Variants in RGS6 observed in about 807,000 individuals in gnomAD.
RGS6 encodes the protein regulator of G-protein signaling 6.
Under a neutral mutation model 78.5 loss-of-function variants are expected in RGS6, and 30 were observed. The observed-to-expected ratio is 0.38, with a 90% CI of 0.29 to 0.52. The LOEUF is 0.52. Ranked by LOEUF, RGS6 falls within the 20% of genes least tolerant of loss-of-function variation. The probability of loss-of-function intolerance (pLI) is 0.85; values close to 1 mark genes in which losing one functional copy is unlikely to be tolerated. For synonymous variants in RGS6, 206 were observed against 206.0 expected, an observed-to-expected ratio of 1.00 and a Z score of 0.00; for missense variants, 495 against 609.7, an observed-to-expected ratio of 0.81 and a Z score of 1.98.
chr14:71,876,473 CTTTTTTTTTTTTTTTTTTTTTTTTTT>C, the RGS6 span, among the ~76,000 whole-genome samples: 3 of 72,494 alleles, frequency 4.1e-5, no homozygotes, highest in South Asian at 9.0e-4. Context: ...GCAACCGCTG[CTTTTTTTTTTTTTTTTTTTTTTTTTT>C]TTTTTTTTTT....
intron 3 of RGS6, among the ~76,000 whole-genome samples, chr14:72,434,992 G>T (rs2094834052): frequency 6.6e-6 from 1 of 152,178 alleles, no homozygotes; most frequent in Non-Finnish European, 1.5e-5. Context: ...AAGTCTGACT[G>T]ATAGCTGAGT....
intron 2 of RGS6, among the ~76,000 whole-genome samples, chr14:72,313,456 CTT>C (rs1595679744): frequency 6.6e-6 from 1 of 152,218 alleles, no homozygotes; most frequent in African/African-American, 2.4e-5. Context: ...CTTTCTTCCT[CTT>C]TCTCTCTTCT....
intron 2 of RGS6, among the ~76,000 whole-genome samples, chr14:72,004,277 C>T (rs2084085072): frequency 6.6e-6 from 1 of 152,130 alleles, no homozygotes; most frequent in Admixed American, 6.5e-5. Context: ...TGCTACTAGG[C>T]TTTAAAAAAT....
intron 2 of RGS6, among the ~76,000 whole-genome samples, chr14:72,138,877 A>G (rs993204360): frequency 2.0e-5 from 3 of 151,908 alleles, no homozygotes; most frequent in African/African-American, 4.8e-5. Context: ...TTGCAGAAAA[A>G]CAAGCTCAGG....
At chr14:72,568,098 G>A (rs556378917), downstream of RGS6, among the ~76,000 whole-genome samples, 2 of 152,226 alleles carry the variant, frequency 1.3e-5, no homozygotes, top group Non-Finnish European at 2.9e-5. Flanking sequence ...CGCTTGAAGT[G>A]TGGGCTCGGT....
chr14:72,053,504 C>G (rs2093453626), intron 2 of RGS6, among the ~76,000 whole-genome samples: 1 of 152,226 alleles, frequency 6.6e-6, no homozygotes, highest in Middle Eastern at 3.4e-3. Flanking sequence ...GTATCCTGAT[C>G]CTACCCTCCA....
At chr14:72,203,380 C>T (rs571490822) in intron 2 of RGS6, among the ~76,000 whole-genome samples, 6 of 152,306 alleles carry the variant, frequency 3.9e-5, no homozygotes, top group Non-Finnish European at 5.9e-5. Context: ...AGTTATCTAT[C>T]GCTGTATAAC....
intron 2 of RGS6, among the ~76,000 whole-genome samples, chr14:72,044,526 C>G (rs1347571752): frequency 1.3e-5 from 2 of 152,138 alleles, no homozygotes; most frequent in Non-Finnish European, 2.9e-5. Flanking sequence ...CCCTCTCTCC[C>G]TCCCTTCTAG....
chr14:72,148,411 G>T (rs920465775), intron 2 of RGS6, among the ~76,000 whole-genome samples: 2 of 151,960 alleles, frequency 1.3e-5, no homozygotes, highest in African/African-American at 4.8e-5. Flanking sequence ...AAAAAATGAG[G>T]GTTTTATTCA....
intron 2 of RGS6, among the ~76,000 whole-genome samples, chr14:72,158,546 A>G (rs1449309225): frequency 1.3e-5 from 2 of 152,094 alleles, no homozygotes; most frequent in South Asian, 2.1e-4. Context: ...TTTAAGGGGT[A>G]TTTCAAGACC....
chr14:72,380,677 G>A (rs940174619), intron 3 of RGS6, among the ~76,000 whole-genome samples: 3 of 152,172 alleles, frequency 2.0e-5, no homozygotes, highest in Admixed American at 2.0e-4. Context: ...AATAACAAAT[G>A]CTGGCAAGAA....
chr14:72,133,487 T>C (rs540706215), intron 2 of RGS6, among the ~76,000 whole-genome samples: 1 of 152,150 alleles, frequency 6.6e-6, no homozygotes, highest in Non-Finnish European at 1.5e-5. Flanking sequence ...TTAAGTCTAC[T>C]ATTACTTACT....
intron 2 of RGS6, among the ~76,000 whole-genome samples, chr14:72,039,931 T>A (rs866490654): frequency 5.9e-5 from 9 of 151,720 alleles, no homozygotes; most frequent in Middle Eastern, 3.4e-3. Context: ...ATCTTATAGT[T>A]GTAACAATCT....
intron 13 of RGS6, among the ~76,000 whole-genome samples, chr14:72,504,661 C>T (rs749386898): frequency 3.3e-5 from 5 of 151,964 alleles, no homozygotes; most frequent in East Asian, 1.9e-4. Flanking sequence ...TCTGAGCCCT[C>T]GCCAGAATAT....
intron 2 of RGS6, among the ~76,000 whole-genome samples, chr14:72,313,975 T>C (rs2069344711): frequency 2.0e-5 from 3 of 152,206 alleles, no homozygotes; most frequent in African/African-American, 4.8e-5. Context: ...TTCTGTGCCC[T>C]TATGTCCCTT....
the RGS6 span, among the ~76,000 whole-genome samples, chr14:72,574,971 G>C: frequency 6.6e-6 from 1 of 152,144 alleles, no homozygotes; most frequent in African/African-American, 2.4e-5. Flanking sequence ...AGCCCCTGGT[G>C]ACTCAATGAA....
chr14:72,472,665 C>G (rs768178520), intron 8 of RGS6, among the ~76,000 whole-genome samples: 15 of 152,102 alleles, frequency 9.9e-5, no homozygotes, highest in Non-Finnish European at 2.1e-4. Context: ...AAAACAAGTT[C>G]TCTTACCATG....
intron 2 of RGS6, among the ~76,000 whole-genome samples, chr14:71,983,220 C>T (rs1394309784): frequency 7.2e-5 from 11 of 152,126 alleles, no homozygotes; most frequent in African/African-American, 4.8e-5. Flanking sequence ...ATGACATTCA[C>T]CACAGCCTAG....
At chr14:72,199,359 A>G (rs555889511) in intron 2 of RGS6, among the ~76,000 whole-genome samples, 8 of 152,356 alleles carry the variant, frequency 5.3e-5, no homozygotes, top group African/African-American at 1.9e-4. Context: ...GAAGAGTTGT[A>G]AGCAAAAGCA....
Sources: gnomAD v4.1 joint callset for allele counts (sites outside exome capture counted in the v4.1 genomes callset) on GRCh38, gnomAD v4.1.1 for gene constraint, MANE v1.5 for transcripts, NCBI Gene and HGNC (gene_info 2026-07-23, HGNC 2026-07-21) for gene names.